Variants in SPRTN observed in about 807,000 individuals in gnomAD.
SPRTN encodes the protein SprT-like N-terminal domain.
A neutral mutation model predicts 31.9 loss-of-function variants in SPRTN; 11 were observed. That is an observed-to-expected ratio of 0.34 (90% CI 0.22 to 0.57). The LOEUF (loss-of-function observed/expected upper bound fraction) is 0.57, where lower values mean the gene tolerates loss of function less well. Among genes scored for constraint, SPRTN ranks in the 20% least tolerant of loss-of-function variants. SPRTN has a pLI of 0.86. For missense variants in SPRTN, 482 were observed against 590.1 expected (o/e 0.82, Z 1.90); for synonymous variants, 185 against 212.1 (o/e 0.87, Z 1.11).
chr1:231,350,456 A>G (rs757165271), intron 3 of SPRTN, among the ~76,000 whole-genome samples: 19 of 152,000 alleles, frequency 1.3e-4, no homozygotes, highest in Admixed American at 8.5e-4. Flanking sequence ...CCCTCTTTTC[A>G]GTCAGGTCTT....
chr1:231,353,329 A>T lies in SPRTN; in HGVS notation c.1438A>T (p.Ser480Cys). Residue 480 changes from serine to cysteine, a missense_variant, in exon 5 of 5, where the codon AGC becomes TGC. Coordinates refer to ENST00000295050, the MANE Select transcript of SPRTN (RefSeq NM_032018.7). ...CTTGGACTGGTGCCTTGAAGGTGAC[A>T]GCATCAAAGTCAAAAGCGAAGAAAG... ...EHLDWCLEGD[S>C]IKVKSEESL 5.0e-6 allele frequency: 8 copies of T among 1,593,340 alleles called. No homozygotes were observed. The highest frequency in any genetic ancestry group is 6.8e-6 in the Non-Finnish European group (8 of 1,174,046).
chr1:231,353,392 T>C lies in SPRTN; in HGVS notation c.*31T>C, dbSNP rs1364883392. Reference sequence around the variant, plus strand: ...GTTTCAAAGTCTCAAGTACCACCTGTATTATCTCACTAATGTGCTATGTCA... The same window carrying C: ...GTTTCAAAGTCTCAAGTACCACCTGCATTATCTCACTAATGTGCTATGTCA... On this transcript the variant is annotated 3_prime_UTR_variant, in exon 5 of 5. Coordinates refer to ENST00000295050, the MANE Select transcript of SPRTN (RefSeq NM_032018.7). 1 of 1,535,486 alleles carries C rather than the reference T, an allele frequency of 6.5e-7. No individual in the cohort carries two copies. The highest frequency in any genetic ancestry group is 1.4e-5 in the African/African-American group (1 of 72,336).
In SPRTN at chr1:231,347,845, G is replaced by T. The variant is rs142934903; in HGVS notation, c.370G>T (p.Asp124Tyr). The change falls in exon 3 of 5, where the codon GAC becomes TAC. Residue 124 changes from aspartate to tyrosine, a missense_variant. Physicochemically the swap from Asp to Tyr is radical, Grantham distance 160. Around this residue, in one of 2 missense-constraint regions of SPRTN, gnomAD observed 157 missense variants for 239.9 expected, o/e 0.65. Coordinates refer to ENST00000295050, the MANE Select transcript of SPRTN (RefSeq NM_032018.7). Reference protein sequence around the residue: ...IHAYLFVTNNDKDREGHGPEF... With the variant: ...IHAYLFVTNNYKDREGHGPEF... ...TGCCTATTTATTTGTCACTAATAAC[G>T]ACAAAGACCGAGAAGGGCATGGTCC... 6.2e-7 allele frequency: 1 copy of T among 1,613,504 alleles called. No individual in the cohort carries two copies. Among genetic ancestry groups the T allele is most frequent in the African/African-American group, 1.3e-5 (1 of 74,822 alleles).
chr1:231,344,282 G>A (rs1040463766), intron 2 of SPRTN, among the ~76,000 whole-genome samples: 1 of 152,086 alleles, frequency 6.6e-6, no homozygotes, highest in African/African-American at 2.4e-5. Flanking sequence ...TCAGATAGAT[G>A]GATTGCTTGA....
intron 3 of SPRTN, among the ~76,000 whole-genome samples, chr1:231,349,418 G>T (rs1687156303): frequency 6.6e-6 from 1 of 152,214 alleles, no homozygotes; most frequent in African/African-American, 2.4e-5. Context: ...GTTAGCAAGA[G>T]AATTATAGAC....
rs1687305648 is a variant in SPRTN, at chr1:231,353,527, A to C, written c.*166A>C. 7.4e-7 allele frequency: 1 copy of C among 1,343,870 alleles called. No homozygotes were observed. The highest frequency in any genetic ancestry group is 9.5e-7 in the Non-Finnish European group (1 of 1,054,018). The allele number at this position is 1,343,870 out of a possible 1,614,324, so 83.2% of individuals were successfully genotyped here. On this transcript the variant is annotated 3_prime_UTR_variant, in exon 5 of 5. Coordinates refer to ENST00000295050, the MANE Select transcript of SPRTN (RefSeq NM_032018.7). ...TATACGCATATAAGATTGTAATTTT[A>C]AGATGTTTTGTGTCTCAGGGTGCTA...
rs1686763124 is a variant in SPRTN at position 231,338,597 on chromosome 1, A to G, written c.214A>G (p.Met72Val). The change falls in exon 1 of 5, where the codon ATG (methionine) becomes GTG (valine). Residue 72 changes from methionine (M) to valine (V), a missense_variant. Coordinates refer to ENST00000295050, the MANE Select transcript of SPRTN (RefSeq NM_032018.7). ...CGTCGAGGTGAAGTGGAGCGTGCGA[A>G]TGACCCTGTGAGTTCCGAGCCCCGC... ...EAVEVKWSVR[M>V]TLCAGICSYE... is the part of the protein sequence containing the mutation. The G allele has an allele frequency of 1.9e-6, 3 of 1,614,078 alleles. No individual in the cohort carries two copies. The Admixed American group carries it at 5.0e-5, about 27-fold the overall frequency.
At chr1:231,352,016 T>C in intron 4 of SPRTN, 1 of 995,924 alleles carries the variant, frequency 1.0e-6, no homozygotes, top group Non-Finnish European at 1.2e-6. Flanking sequence ...CTGGATTCTA[T>C]CCAAGTGACT....
intron 2 of SPRTN, among the ~76,000 whole-genome samples, chr1:231,341,049 G>T (rs1032679483): frequency 6.6e-6 from 1 of 151,892 alleles, no homozygotes; most frequent in Admixed American, 6.6e-5. Flanking sequence ...ATGTAAAGTG[G>T]TACAGTAGAA....
chr1:231,352,874 T>G lies in SPRTN; in HGVS notation c.983T>G (p.Leu328Arg). The G allele has an allele frequency of 6.2e-7, 1 of 1,614,134 alleles. No homozygotes were observed. Among genetic ancestry groups the G allele is most frequent in the Non-Finnish European group, 8.5e-7 (1 of 1,179,994 alleles). ...GTTAGTAACAGTCACCAAAATGTTC[T>G]AAGCAACTACTTTCCTAGAGTATCA... ...PAVSNSHQNV[L>R]SNYFPRVSFA... Residue 328 changes from leucine (L) to arginine (R), a missense_variant, in exon 5 of 5, where the codon CTA (leucine) becomes CGA (arginine). Physicochemically the swap from Leu to Arg is moderately radical, Grantham distance 102 (BLOSUM62 -2). This residue lies in a region of SPRTN where 325 missense variants were observed against 350.2 expected (regional missense o/e 0.93). Coordinates refer to ENST00000295050, the MANE Select transcript of SPRTN (RefSeq NM_032018.7).
intron 3 of SPRTN, among the ~76,000 whole-genome samples, 163 bp downstream of exon 3, chr1:231,348,088 G>T (rs1343583811): frequency 6.6e-6 from 1 of 152,204 alleles, no homozygotes; most frequent in East Asian, 1.9e-4. Flanking sequence ...GGGACTACAT[G>T]GTGGAATGGC....
At chr1:231,340,147 G>T in intron 2 of SPRTN, 1 of 247,956 alleles carries the variant, frequency 4.0e-6, no homozygotes, top group Non-Finnish European at 7.9e-6. Flanking sequence ...CGGATCACGA[G>T]GTCAGAAGAT....
At position 231,351,393 on chromosome 1, in the gene SPRTN, C is replaced by T. The variant is rs150507607; in HGVS notation, c.540C>T (p.Tyr180=). 173 of 1,613,928 alleles carry T rather than the reference C, an allele frequency of 1.1e-4. 1 individual carries two copies. In the Middle Eastern group the frequency reaches 3.5e-3, roughly 32 times the overall value. The change falls in exon 4 of 5, where the codon TAC becomes TAT. Residue 180 remains tyrosine (Y), a synonymous_variant. Coordinates refer to ENST00000295050, the MANE Select transcript of SPRTN (RefSeq NM_032018.7). ...NGPCQHRPPY[Y]GYVKRATNRE... ...CGTGCCAGCACAGGCCACCGTATTACGGCTATGTCAAACGAGCTACTAACA... is the reference window on the plus strand; with the variant it reads ...CGTGCCAGCACAGGCCACCGTATTATGGCTATGTCAAACGAGCTACTAACA...
intron 2 of SPRTN, among the ~76,000 whole-genome samples, chr1:231,340,671 C>T (rs1166550588): frequency 6.6e-6 from 1 of 152,072 alleles, no homozygotes; most frequent in Non-Finnish European, 1.5e-5. Context: ...GTACTTACTT[C>T]TGCTAGCAGA....
At chr1:231,342,984 G>A (rs188834852) in intron 2 of SPRTN, among the ~76,000 whole-genome samples, 60 of 151,734 alleles carry the variant, frequency 4.0e-4, no homozygotes, top group Non-Finnish European at 7.1e-4. Context: ...TGATCCGCCC[G>A]ACTCAGCCTC....
In SPRTN at chr1:231,352,752, A is replaced by G. The variant is rs1558368617; in HGVS notation, c.861A>G (p.Gln287=). Residue 287 remains glutamine, a synonymous_variant, in exon 5 of 5, where the codon CAA becomes CAG. Transcript: ENST00000295050. ...AINKTQDLLN[Q]NHSANAVRPN... is the part of the protein sequence containing the mutation. ...ATAAAACCCAAGATCTTTTAAATCA[A>G]AACCATTCAGCAAATGCTGTAAGAC... The G allele has an allele frequency of 6.2e-7, 1 of 1,614,172 alleles. No homozygotes were observed. Among genetic ancestry groups the G allele is most frequent in the Admixed American group, 1.7e-5 (1 of 60,018 alleles).
At chr1:231,352,161 G>T (rs1225260168) in intron 4 of SPRTN, 3 of 989,596 alleles carry the variant, frequency 3.0e-6, no homozygotes, top group Admixed American at 5.9e-5. Context: ...TTGGGAAGTT[G>T]TTGACCCAAG....
At chr1:231,340,108 A>C in intron 2 of SPRTN, 3 of 329,964 alleles carry the variant, frequency 9.1e-6, no homozygotes, top group Non-Finnish European at 1.7e-5. Flanking sequence ...CACGCCTGTA[A>C]TCCCGACACT....
intron 4 of SPRTN, 139 bp downstream of exon 4, chr1:231,351,710 A>G: frequency 5.5e-6 from 8 of 1,463,022 alleles, no homozygotes; most frequent in South Asian, 1.5e-5. Context: ...AGACTTAAGG[A>G]AAAAATCCCA....
Sources: allele counts gnomAD v4.1 joint callset (sites outside exome capture counted in the v4.1 genomes callset), GRCh38; gene constraint gnomAD v4.1.1; regional missense constraint gnomAD v4.1.1; transcripts MANE v1.5; gene names NCBI Gene and HGNC (gene_info 2026-07-23, HGNC 2026-07-21).